Variants in PRKACB observed in about 807,000 individuals in gnomAD.
The protein encoded by PRKACB is cAMP-dependent protein kinase catalytic subunit beta.
A neutral mutation model predicts 51.4 loss-of-function variants in PRKACB; 16 were observed. That is an observed-to-expected ratio of 0.31 (90% CI 0.21 to 0.47). The LOEUF (loss-of-function observed/expected upper bound fraction) is 0.47, where lower values mean the gene tolerates loss of function less well. Ranked by LOEUF, PRKACB falls within the 20% of genes least tolerant of loss-of-function variation. The pLI is 1.00. For missense variants in PRKACB, 309 were observed against 464.5 expected, an observed-to-expected ratio of 0.67 and a Z score of 3.08; for synonymous variants, 147 against 154.4, an observed-to-expected ratio of 0.95 and a Z score of 0.35.
chr1:84,132,891 A>T (rs1421819756), intron 1 of PRKACB, among the ~76,000 whole-genome samples: 4 of 152,168 alleles, frequency 2.6e-5, no homozygotes, highest in Non-Finnish European at 4.4e-5. Context: ...GGGACATTTT[A>T]AAAAGGTATA....
chr1:84,229,018 T>G (rs1675121929), intron 9 of PRKACB, among the ~76,000 whole-genome samples: 1 of 149,700 alleles, frequency 6.7e-6, no homozygotes, highest in Non-Finnish European at 1.5e-5. Flanking sequence ...GCCATGCTGG[T>G]GCGCTGCACC....
At chr1:84,116,451 C>T (rs1333340033) in intron 1 of PRKACB, among the ~76,000 whole-genome samples, 2 of 152,060 alleles carry the variant, frequency 1.3e-5, no homozygotes, top group Non-Finnish European at 2.9e-5. Flanking sequence ...TCATTTTTAA[C>T]AGTACTAATT....
rs1200936545 is a variant in PRKACB at position 84,144,467 on chromosome 1, G to C, written c.106G>C (p.Gly36Arg). The C allele has an allele frequency of 6.2e-7, 1 of 1,612,620 alleles. No individual in the cohort carries two copies. The highest frequency in any genetic ancestry group is 8.5e-7 in the Non-Finnish European group (1 of 1,179,436). The change falls in exon 1 of 10, where the codon GGT becomes CGT. Residue 36 changes from glycine (G) to arginine (R), a missense_variant. Physicochemically the swap from Gly to Arg is moderately radical, Grantham distance 125. Transcript: ENST00000370685. Reference sequence around the variant, plus strand: ...CCGGTTATTTCATAGACACTCTAAAGGTACTGCACATGATCAGAAAACAGC... The same window carrying C: ...CCGGTTATTTCATAGACACTCTAAACGTACTGCACATGATCAGAAAACAGC... Reference protein sequence around the residue: ...ASRLFHRHSKGTAHDQKTALE... With the variant: ...ASRLFHRHSKRTAHDQKTALE...
At chr1:84,223,879 A>G (rs1674147253) in intron 9 of PRKACB, among the ~76,000 whole-genome samples, 1 of 151,990 alleles carries the variant, frequency 6.6e-6, no homozygotes. Flanking sequence ...TGGAGGTGTC[A>G]TGTTTCTTTG....
At chr1:84,144,157 C>A, upstream of PRKACB, 1 of 1,034,132 alleles carries the variant, frequency 9.7e-7, no homozygotes, top group South Asian at 2.3e-5. Context: ...TTAAAATCCT[C>A]AACTCTAGCT....
intron 1 of PRKACB, among the ~76,000 whole-genome samples, chr1:84,162,654 A>T: frequency 6.6e-6 from 1 of 151,890 alleles, no homozygotes; most frequent in East Asian, 1.9e-4. Context: ...TTCTTTCTAT[A>T]TTGAAAGTTT....
chr1:84,211,366 G>A (rs1466638330), intron 8 of PRKACB, among the ~76,000 whole-genome samples: 1 of 151,940 alleles, frequency 6.6e-6, no homozygotes, highest in Non-Finnish European at 1.5e-5. Flanking sequence ...CTTAAATATA[G>A]ATGTACTTCA....
chr1:84,184,487 C>G lies in PRKACB; in HGVS notation c.477+352C>G, dbSNP rs148774187. 2.9e-3 allele frequency among the ~76,000 whole-genome samples: 433 copies of G among 151,928 alleles called. 2 individuals carry two copies. The highest frequency in any genetic ancestry group is 0.01 in the African/African-American group (417 of 41,546). On this transcript the variant is annotated intron_variant, in intron 4 of 9. Transcript: ENST00000370685. ...GATTAAGCCCTTTTTGCCACTATCT[C>G]ATCTTCTTTTACTTAGTAATTTGAG...
intron 1 of PRKACB, among the ~76,000 whole-genome samples, chr1:84,090,282 T>G (rs1648353147): frequency 6.6e-6 from 1 of 152,208 alleles, no homozygotes; most frequent in African/African-American, 2.4e-5. Flanking sequence ...AGGAACCCCT[T>G]TAACTTCTTC....
At chr1:84,185,075 G>T in intron 4 of PRKACB, 25 bp from the exon 5 acceptor site, 2 of 1,351,588 alleles carry the variant, frequency 1.5e-6, no homozygotes, top group Non-Finnish European at 1.0e-6. Flanking sequence ...TTGAATAATT[G>T]TATTTCCTTT....
chr1:84,193,404 A>G (rs1282331626), intron 5 of PRKACB, among the ~76,000 whole-genome samples: 1 of 152,144 alleles, frequency 6.6e-6, no homozygotes, highest in African/African-American at 2.4e-5. Context: ...AAATATAGAG[A>G]TGAATCTCTA....
intron 7 of PRKACB, among the ~76,000 whole-genome samples, chr1:84,200,139 GC>G (rs60726924): frequency 0.18 from 26,914 of 151,934 alleles, 2,670 homozygotes; most frequent in South Asian, 0.25. Context: ...GAGCCACTAT[GC>G]CCTTCCATTT....
intron 1 of PRKACB, among the ~76,000 whole-genome samples, chr1:84,132,704 C>G (rs181182581): frequency 1.2e-3 from 179 of 152,090 alleles, no homozygotes; most frequent in African/African-American, 4.2e-3. Context: ...AAAGGAAATG[C>G]TAGGCATAAA....
At chr1:84,085,353 A>G (rs1647882281) in intron 1 of PRKACB, among the ~76,000 whole-genome samples, 1 of 152,182 alleles carries the variant, frequency 6.6e-6, no homozygotes, top group South Asian at 2.1e-4. Context: ...AGAAAAATCT[A>G]AATTGTCTTT....
rs554488692 is a variant in PRKACB at position 84,108,269 on chromosome 1, A to G, written c.46+29898A>G. On this transcript the variant is annotated intron_variant, in intron 1 of 8. Transcript: ENST00000370688. ...GTTCTCACTTATAAGTGGGAGCTAAATAATGAAAACACATGGACAGAAAGA... is the reference window on the plus strand; with the variant it reads ...GTTCTCACTTATAAGTGGGAGCTAAGTAATGAAAACACATGGACAGAAAGA... 6.6e-5 allele frequency among the ~76,000 whole-genome samples: 10 copies of G among 152,142 alleles called. No individual in the cohort carries two copies. The South Asian group carries it at 1.9e-3, about 29-fold the overall frequency.
At chr1:84,215,650 T>G (rs569711249) in intron 9 of PRKACB, among the ~76,000 whole-genome samples, 1 of 152,200 alleles carries the variant, frequency 6.6e-6, no homozygotes, top group South Asian at 2.1e-4. Context: ...GAAACTAGTA[T>G]TTTGTTTTGT....
chr1:84,146,929 A>G (rs895414687), intron 1 of PRKACB, among the ~76,000 whole-genome samples: 1 of 152,070 alleles, frequency 6.6e-6, no homozygotes, highest in Non-Finnish European at 1.5e-5. Context: ...TTGCATGCAC[A>G]TATAAATACA....
Position 84,113,647 on chromosome 1 carries a change from A to T in PRKACB, c.46+35276A>T, listed in dbSNP as rs1055332308. ...TAAAGAGAATATTGTTTATCCATACAATTCAATACTATTCAACAATAAAAA... is the reference window on the plus strand; with the variant it reads ...TAAAGAGAATATTGTTTATCCATACTATTCAATACTATTCAACAATAAAAA... On this transcript the variant is annotated intron_variant, in intron 1 of 8. Transcript: ENST00000370688. Among the ~76,000 whole-genome samples, 6 of 152,202 alleles carry T rather than the reference A, an allele frequency of 3.9e-5. No individual in the cohort carries two copies. The East Asian group carries it at 1.2e-3, about 29-fold the overall frequency.
In PRKACB at chr1:84,195,609, C is replaced by G. The variant is rs557646931; in HGVS notation, c.561-1007C>G. On this transcript the variant is annotated intron_variant, in intron 5 of 9. Transcript: ENST00000370685. ...ATCAAAATTACACTGATCTATTAATCTAATATATACATAAAAGAACTAGCT... is the reference window on the plus strand; with the variant it reads ...ATCAAAATTACACTGATCTATTAATGTAATATATACATAAAAGAACTAGCT... 7.2e-4 allele frequency among the ~76,000 whole-genome samples: 109 copies of G among 152,208 alleles called. 1 individual carries two copies. Among genetic ancestry groups the G allele is most frequent in the Admixed American group, 3.0e-3 (46 of 15,264 alleles).
Sources: gnomAD v4.1 joint callset for allele counts (sites outside exome capture counted in the v4.1 genomes callset) on GRCh38, gnomAD v4.1.1 for gene constraint, MANE v1.5 for transcripts, NCBI Gene and HGNC (gene_info 2026-07-23, HGNC 2026-07-21) for gene names.